Variants in AGR3 observed in about 807,000 individuals in gnomAD.
AGR3 encodes the protein anterior gradient 3, protein disulphide isomerase family member.
In AGR3, 37 loss-of-function variants were observed where a neutral mutation model predicts 24.5. The ratio of observed to expected loss-of-function variants is 1.51; its 90% CI spans 1.16 to 1.99. The LOEUF is 1.99. AGR3 is among the 30% of genes most tolerant of loss of function. The pLI is 0.00. For synonymous variants in AGR3, 75 were observed against 61.6 expected (o/e 1.22, Z -1.02); for missense variants, 228 against 191.1 (o/e 1.19, Z -1.14).
At chr7:16,864,290 C>T (rs1462314281) in intron 3 of AGR3, 2 of 1,356,452 alleles carry the variant, frequency 1.5e-6, no homozygotes, top group African/African-American at 2.9e-5. Context: ...TCATAGTCTT[C>T]TATTATTATA....
chr7:16,872,662 GA>G (rs1397547793), intron 3 of AGR3, among the ~76,000 whole-genome samples: 1 of 152,082 alleles, frequency 6.6e-6, no homozygotes, highest in African/African-American at 2.4e-5. Flanking sequence ...AGCATAAGGG[GA>G]CAAACTGTAG....
intron 3 of AGR3, among the ~76,000 whole-genome samples, chr7:16,868,934 C>G (rs1226748482): frequency 6.6e-6 from 1 of 152,086 alleles, no homozygotes; most frequent in Non-Finnish European, 1.5e-5. Context: ...TAATTTAAGT[C>G]TTCTTAAATT....
chr7:16,871,484 G>A (rs559638216), intron 3 of AGR3, among the ~76,000 whole-genome samples: 67 of 152,076 alleles, frequency 4.4e-4, no homozygotes, highest in Non-Finnish European at 7.8e-4. Flanking sequence ...AAAACCAGTA[G>A]CATTTCTATA....
intron 3 of AGR3, among the ~76,000 whole-genome samples, chr7:16,868,917 G>C (rs532934814): frequency 1.3e-5 from 2 of 152,302 alleles, no homozygotes; most frequent in African/African-American, 2.4e-5. Context: ...AGAAAAGATA[G>C]TTGATATAAT....
chr7:16,859,588 C>A lies in AGR3; in HGVS notation c.495G>T (p.Glu165Asp). 6.4e-7 allele frequency: 1 copy of A among 1,555,626 alleles called. No individual in the cohort carries two copies. The highest frequency in any genetic ancestry group is 8.8e-7 in the Non-Finnish European group (1 of 1,141,116). ...GGCTTTTTTCCATCATCTCTTATAG[C>A]TCTGACTGAATAAGTCTTAATGCTT... ...MKKALRLIQS[E>D]L The change falls in exon 8 of 8, where the codon GAG becomes GAT. Residue 165 changes from glutamate to aspartate, a missense_variant. By Grantham distance (45) the Glu-to-Asp change is conservative. Coordinates refer to ENST00000310398, the MANE Select transcript of AGR3 (RefSeq NM_176813.5).
downstream of AGR3, among the ~76,000 whole-genome samples, chr7:16,857,564 A>G (rs896008331): frequency 1.3e-5 from 2 of 152,206 alleles, no homozygotes; most frequent in African/African-American, 4.8e-5. Context: ...ATGTTAAACT[A>G]TTAAATCAGA....
chr7:16,856,838 T>TATAC (rs1554280126), downstream of AGR3, among the ~76,000 whole-genome samples: 2 of 149,742 alleles, frequency 1.3e-5, no homozygotes, highest in Non-Finnish European at 3.0e-5. Context: ...CCTATATGTA[T>TATAC]ACACACACAC....
chr7:16,864,910 A>G (rs931205665), intron 3 of AGR3: 23 of 906,644 alleles, frequency 2.5e-5, no homozygotes, highest in Non-Finnish European at 3.7e-5. Flanking sequence ...GGCTCTCACA[A>G]TATCATCAAT....
At chr7:16,864,461 C>G in intron 3 of AGR3, 1 of 1,283,310 alleles carries the variant, frequency 7.8e-7, no homozygotes, top group Non-Finnish European at 1.1e-6. Context: ...TTAAGCTGGG[C>G]TTCATCTCCA....
chr7:16,878,284 G>T (rs919101119), intron 2 of AGR3, among the ~76,000 whole-genome samples: 3 of 152,046 alleles, frequency 2.0e-5, no homozygotes, highest in Admixed American at 6.6e-5. Flanking sequence ...CATTATTTTG[G>T]CAAAAGATAA....
intron 1 of AGR3, among the ~76,000 whole-genome samples, chr7:16,879,023 A>G (rs1366074732): frequency 6.6e-6 from 1 of 152,232 alleles, no homozygotes; most frequent in African/African-American, 2.4e-5. Flanking sequence ...TTTAGCATGC[A>G]GAAATATTCT....
intron 2 of AGR3, among the ~76,000 whole-genome samples, chr7:16,878,091 G>T (rs1395527937): frequency 4.6e-5 from 7 of 151,208 alleles, no homozygotes; most frequent in Non-Finnish European, 1.0e-4. Flanking sequence ...TAATTTTCTG[G>T]GAAGGCTTAT....
At chr7:16,855,904 A>G (rs1160804363), downstream of AGR3, among the ~76,000 whole-genome samples, 1 of 152,216 alleles carries the variant, frequency 6.6e-6, no homozygotes, top group Non-Finnish European at 1.5e-5. Context: ...TATGTATTGT[A>G]AGATTATACC....
chr7:16,867,654 T>G (rs1342881719), intron 3 of AGR3, among the ~76,000 whole-genome samples: 1 of 152,180 alleles, frequency 6.6e-6, no homozygotes, highest in Non-Finnish European at 1.5e-5. Flanking sequence ...GAACTCCCCA[T>G]CCTCACCCCC....
At chr7:16,868,075 G>A (rs186128575) in intron 3 of AGR3, among the ~76,000 whole-genome samples, 90 of 151,990 alleles carry the variant, frequency 5.9e-4, no homozygotes, top group African/African-American at 2.1e-3. Context: ...GAGTGAGGTG[G>A]TATTTCATTG....
At chr7:16,877,251 TTATAA>T (rs1427892197) in intron 2 of AGR3, among the ~76,000 whole-genome samples, 5 of 147,330 alleles carry the variant, frequency 3.4e-5, no homozygotes, top group East Asian at 1.9e-4. Flanking sequence ...ATATAATTTA[TTATAA>T]TATAACACAA....
intron 6 of AGR3, among the ~76,000 whole-genome samples, chr7:16,860,939 A>G (rs552462427): frequency 4.7e-4 from 72 of 152,260 alleles, no homozygotes; most frequent in Admixed American, 8.5e-4. Flanking sequence ...TGCTTAGGAT[A>G]ATGGCCTCTG....
intron 3 of AGR3, among the ~76,000 whole-genome samples, chr7:16,867,244 A>G (rs113315610): frequency 3.9e-5 from 6 of 152,264 alleles, no homozygotes; most frequent in African/African-American, 1.2e-4. Flanking sequence ...TTCCCAGATG[A>G]CTATCAACTT....
rs1294588564 is a variant in AGR3, at chr7:16,873,790, C to T, written c.163G>A (p.Ala55Thr). 1 of 1,611,752 alleles carries T rather than the reference C, an allele frequency of 6.2e-7. No homozygotes were observed. The highest frequency in any genetic ancestry group is 8.5e-7 in the Non-Finnish European group (1 of 1,178,192). Residue 55 changes from alanine (A) to threonine (T), a missense_variant, in exon 3 of 8, where the codon GCT (alanine) becomes ACT (threonine). Transcript: ENST00000310398. ...VQTYEEGLFY[A>T]QKSKKPLMVI... ...TGAGAAGCATGTTACCTTTTTTGAGCATAAAAGAGACCTTCTTCATAAGTT... is the reference window on the plus strand; with the variant it reads ...TGAGAAGCATGTTACCTTTTTTGAGTATAAAAGAGACCTTCTTCATAAGTT...
Sources: gnomAD v4.1 joint callset for allele counts (sites outside exome capture counted in the v4.1 genomes callset) on GRCh38, gnomAD v4.1.1 for gene constraint, MANE v1.5 for transcripts, NCBI Gene and HGNC (gene_info 2026-07-23, HGNC 2026-07-21) for gene names.